RBP5: variants seen among roughly 807,000 people sequenced by gnomAD.
The protein encoded by RBP5 is retinol binding protein 5.
Under a neutral mutation model 17.8 loss-of-function variants are expected in RBP5, and 12 were observed. That is an observed-to-expected ratio of 0.67 (90% CI 0.43 to 1.09). The LOEUF is 1.09. Ranked by LOEUF, RBP5 falls within the 50% of genes least tolerant of loss-of-function variation. RBP5 has a pLI of 0.00. For missense variants in RBP5, 172 were observed against 169.4 expected, an observed-to-expected ratio of 1.02 and a Z score of -0.09; for synonymous variants, 64 against 68.1, an observed-to-expected ratio of 0.94 and a Z score of 0.30.
chr12:7,128,972 C>T (rs1939228529), upstream of RBP5: 1 of 576,682 alleles, frequency 1.7e-6, no homozygotes, highest in Admixed American at 2.6e-5. The surrounding 1 kb of genome is among the most constrained non-coding windows in gnomAD (Gnocchi z 5.3). Context: ...TCCCTCCCCG[C>T]ATGGTGAGTT....
At chr12:7,123,541 A>G (rs1275809560), downstream of RBP5, 1 of 152,608 alleles carries the variant, frequency 6.6e-6, no homozygotes, top group Non-Finnish European at 1.5e-5. Context: ...ATAGGATGGA[A>G]GTATCAAATG....
At chr12:7,127,512 G>A (rs1008456573) in intron 2 of RBP5, 3 of 614,616 alleles carry the variant, frequency 4.9e-6, no homozygotes, top group African/African-American at 1.8e-5. Flanking sequence ...TTGCTATACT[G>A]TATTGTTTTT....
At position 7,128,820 on chromosome 12, in the gene RBP5, A is replaced by G. The variant is rs1243748671; in HGVS notation, c.-45T>C. 2.0e-6 allele frequency: 3 copies of G among 1,469,728 alleles called. No individual in the cohort carries two copies. The African/African-American group carries it at 4.2e-5, about 20-fold the overall frequency. The allele number at this position is 1,469,728 out of a possible 1,614,324, so 91.0% of individuals were successfully genotyped here. A position where few individuals can be genotyped will look rare whatever the true frequency, so the allele number is the denominator to read the frequency against. On this transcript the variant is annotated 5_prime_UTR_variant, in exon 1 of 4. Coordinates refer to ENST00000266560, the MANE Select transcript of RBP5 (RefSeq NM_031491.4). This position sits in a 1 kb window ranked among gnomAD's most constrained non-coding sequence, Gnocchi z 5.3. ...GGAGAATGCAGGAGACAGGGTGAGG[A>G]AGGAGGGGGTGTTGTCTGGCAGGTG...
rs1371437553 is a variant in RBP5, at chr12:7,124,677, G to C, written c.306C>G (p.Val102=). The part of the protein sequence containing the change: ...EHLVCVQKGE[V]PNRGWRHWLE... ...GCCAGTGTCTCCAGCCCCGGTTGGG[G>C]ACCTCCCCTTTCTGCACACACACCA... is the stretch of plus-strand genomic sequence containing the variant. Residue 102 remains valine (V), a synonymous_variant, in exon 3 of 4, where the codon GTC becomes GTG. Transcript: ENST00000266560. The surrounding 1 kb of genome is among the most constrained non-coding windows in gnomAD (Gnocchi z 5.3). The C allele has an allele frequency of 1.2e-6, 2 of 1,613,248 alleles. No homozygotes were observed. The highest frequency in any genetic ancestry group is 2.7e-5 in the African/African-American group (2 of 74,888).
intron 2 of RBP5, among the ~76,000 whole-genome samples, chr12:7,126,510 GGTGTGTGTGTGTGTGTGT>G (rs780320410): frequency 7.9e-4 from 103 of 131,118 alleles, no homozygotes; most frequent in African/African-American, 1.9e-3. Context: ...TGGTGGTGGT[GGTGTGTGTGTGTGTGTGT>G]GTGTGTGTGT....
chr12:7,126,250 G>T (rs779897524), intron 2 of RBP5, among the ~76,000 whole-genome samples: 4 of 151,744 alleles, frequency 2.6e-5, no homozygotes, highest in Non-Finnish European at 5.9e-5. Flanking sequence ...AGAAATAGGG[G>T]AAATTAATTT....
downstream of RBP5, among the ~76,000 whole-genome samples, chr12:7,119,826 G>C (rs971446958): frequency 2.2e-4 from 33 of 152,214 alleles, no homozygotes; most frequent in Admixed American, 2.2e-3. Flanking sequence ...TTGTGGGCTG[G>C]CCAATGTGGC....
intron 2 of RBP5, chr12:7,127,757 T>C (rs1051451039): frequency 1.0e-5 from 7 of 700,256 alleles, no homozygotes; most frequent in African/African-American, 3.5e-5. Flanking sequence ...ATTTAGCCTA[T>C]GGATAGTGGG....
downstream of RBP5, chr12:7,119,574 G>A (rs1029585799): frequency 6.5e-6 from 1 of 154,934 alleles, no homozygotes; most frequent in Middle Eastern, 5.2e-4. Flanking sequence ...CTTACACTTC[G>A]GTGTAAATAT....
downstream of RBP5, chr12:7,119,589 CTG>C (rs1939052311): frequency 1.3e-5 from 2 of 154,854 alleles, no homozygotes; most frequent in African/African-American, 4.8e-5. Flanking sequence ...AAATATGTCA[CTG>C]TGTAACCTCA....
At chr12:7,127,448 A>G in intron 2 of RBP5, 2 of 514,426 alleles carry the variant, frequency 3.9e-6, no homozygotes, top group South Asian at 2.7e-5. Context: ...TATGCTTTAA[A>G]TCATCTCTAG....
chr12:7,124,522 A>T lies in RBP5; in HGVS notation c.354+107T>A. On this transcript the variant is annotated intron_variant, in intron 3 of 3. Coordinates refer to ENST00000266560, the MANE Select transcript of RBP5 (RefSeq NM_031491.4). The surrounding 1 kb of genome is among the most constrained non-coding windows in gnomAD (Gnocchi z 5.3). ...TCCCTGGTCAATTCCTTGGATAGGG[A>T]TTGGGGCTGGGCTGGGGGAAGAGTG... is the stretch of plus-strand genomic sequence containing the variant. The T allele has an allele frequency of 1.4e-6, 1 of 712,538 alleles. No homozygotes were observed. Among genetic ancestry groups the T allele is most frequent in the Non-Finnish European group, 2.5e-6 (1 of 396,436 alleles). 44.1% of individuals were successfully genotyped at this position (712,538 alleles called of 1,614,324 possible).
downstream of RBP5, among the ~76,000 whole-genome samples, chr12:7,123,207 T>C (rs1490439895): frequency 6.6e-6 from 1 of 152,150 alleles, no homozygotes; most frequent in East Asian, 1.9e-4. Flanking sequence ...CTGGGCTGTT[T>C]TCCAAGGCAG....
exon 4 of RBP5, chr12:7,116,314 A>G (rs1391870412): frequency 6.6e-6 from 1 of 152,186 alleles, no homozygotes; most frequent in Non-Finnish European, 1.5e-5. Context: ...TGTCTAGAAC[A>G]CCATCTTCCC....
At chr12:7,122,385 CAGTGG>C (rs1219851215), downstream of RBP5, 3 of 152,280 alleles carry the variant, frequency 2.0e-5, no homozygotes, top group Non-Finnish European at 4.4e-5. Context: ...TGGGGTCCTG[CAGTGG>C]CCATGTTCTG....
exon 4 of RBP5, chr12:7,115,976 G>A (rs911529003): frequency 2.0e-5 from 3 of 152,150 alleles, no homozygotes; most frequent in Admixed American, 6.5e-5. Context: ...ATTAGAAACT[G>A]CCCCCATGAT....
chr12:7,119,227 G>A (rs1420487104), downstream of RBP5, among the ~76,000 whole-genome samples: 3 of 144,416 alleles, frequency 2.1e-5, no homozygotes, highest in African/African-American at 7.6e-5. Flanking sequence ...GGGCTGGGGG[G>A]TAGGGGTGGA....
downstream of RBP5, among the ~76,000 whole-genome samples, chr12:7,123,382 C>T (rs140359207): frequency 1.3e-5 from 2 of 152,314 alleles, no homozygotes; most frequent in East Asian, 1.9e-4. Context: ...TCACATCCTC[C>T]GTCTACTTCC....
rs1183303077 is a variant in RBP5, at chr12:7,124,782, T to G, written c.253-52A>C. 1.9e-6 allele frequency: 2 copies of G among 1,074,512 alleles called. No homozygotes were observed. The allele number at this position is 1,074,512 out of a possible 1,614,324, so 66.6% of individuals were successfully genotyped here. A position where few individuals can be genotyped will look rare whatever the true frequency, so the allele number is the denominator to read the frequency against. On this transcript the variant is annotated intron_variant, in intron 2 of 3. Transcript: ENST00000266560. The surrounding 1 kb of genome is among the most constrained non-coding windows in gnomAD (Gnocchi z 5.3). ...AGATTAGGAGGCAGGACACTCAAAA[T>G]GCTTCCCATCTCACTCTGAATGGGC...
Sources: allele counts gnomAD v4.1 joint callset (sites outside exome capture counted in the v4.1 genomes callset), GRCh38; gene constraint gnomAD v4.1.1; non-coding constraint Gnocchi (gnomAD v3.1); transcripts MANE v1.5; gene names NCBI Gene and HGNC (gene_info 2026-07-23, HGNC 2026-07-21).